Variants in CHL1 observed in about 807,000 individuals in gnomAD.
CHL1 encodes cell adhesion molecule L1 like.
Under a neutral mutation model 141.9 loss-of-function variants are expected in CHL1, and 96 were observed. The observed-to-expected ratio is 0.68, with a 90% CI of 0.57 to 0.80. CHL1 has a LOEUF of 0.80. Among genes scored for constraint, CHL1 ranks in the 30% least tolerant of loss-of-function variants. The pLI, the probability that CHL1 is intolerant of heterozygous loss-of-function variation, is 0.00. For missense variants in CHL1, 1,820 were observed against 1,457.2 expected (o/e 1.25, Z -4.05); for synonymous variants, 613 against 502.2 (o/e 1.22, Z -2.95).
chr3:390,732 G>A lies in CHL1; in HGVS notation c.2502G>A (p.Val834=), dbSNP rs767793019. Reference sequence around the variant, plus strand: ...ATACAGCTCCAGTGATCCATGGGGTGGACGTTATAAACAGTACATTAGTTA... The same window carrying A: ...ATACAGCTCCAGTGATCCATGGGGTAGACGTTATAAACAGTACATTAGTTA... ...YPDTAPVIHG[V]DVINSTLVKV... is the part of the protein sequence containing the mutation. Residue 834 remains valine, a synonymous_variant, in exon 21 of 28, where the codon GTG becomes GTA. Transcript: ENST00000256509. 6 of 1,607,282 alleles carry A rather than the reference G, an allele frequency of 3.7e-6. No individual in the cohort carries two copies. The highest frequency in any genetic ancestry group is 1.7e-6 in the Non-Finnish European group (2 of 1,173,870).
At position 390,972 on chromosome 3, in the gene CHL1, A is replaced by C. The variant is rs1708175876; in HGVS notation, c.2604A>C (p.Thr868=). 1.2e-6 allele frequency: 2 copies of C among 1,613,772 alleles called. No individual in the cohort carries two copies. The highest frequency in any genetic ancestry group is 1.3e-5 in the African/African-American group (1 of 74,922). Residue 868 remains threonine (T), a synonymous_variant, in exon 22 of 28, where the codon ACA becomes ACC. Transcript: ENST00000256509. ...CATTGCAGATAAATTGGTGGAAAACAAAAAGTCTGTTGGATGGAAGAACAC... is the reference window on the plus strand; with the variant it reads ...CATTGCAGATAAATTGGTGGAAAACCAAAAGTCTGTTGGATGGAAGAACAC... ...LKGYQINWWK[T]KSLLDGRTHP... is the part of the protein sequence containing the mutation.
At chr3:208,390 T>G (rs548753728) in intron 1 of CHL1, among the ~76,000 whole-genome samples, 2 of 149,002 alleles carry the variant, frequency 1.3e-5, no homozygotes, top group African/African-American at 5.2e-5. Context: ...CCCTCCAAAT[T>G]CAGAACTGGT....
At chr3:301,970 CTCCCACTTATGCGTGAGAATATGTGG>C (rs1180080242) in intron 2 of CHL1, among the ~76,000 whole-genome samples, 2 of 152,198 alleles carry the variant, frequency 1.3e-5, no homozygotes, top group Non-Finnish European at 2.9e-5. Context: ...CCTTGTTCAA[CTCCCACTTATGCGTGAGAATATGTGG>C]TGCATGGTTT....
intron 26 of CHL1, among the ~76,000 whole-genome samples, chr3:400,948 C>G (rs1048120550): frequency 6.1e-5 from 8 of 131,188 alleles, no homozygotes; most frequent in Non-Finnish European, 1.2e-4. Context: ...GTTGCCCAGG[C>G]TGGAGTGCAG....
intron 15 of CHL1, among the ~76,000 whole-genome samples, chr3:374,833 C>A (rs1706112782): frequency 1.3e-5 from 2 of 152,188 alleles, no homozygotes; most frequent in Admixed American, 1.3e-4. Context: ...CCTCATACTT[C>A]TTACCTTCTG....
chr3:235,159 C>G (rs1465990084), intron 1 of CHL1, among the ~76,000 whole-genome samples: 1 of 151,978 alleles, frequency 6.6e-6, no homozygotes, highest in Non-Finnish European at 1.5e-5. Flanking sequence ...CCCCCTCTTT[C>G]TAAACATTAT....
intron 19 of CHL1, among the ~76,000 whole-genome samples, chr3:387,306 G>C (rs1331228043): frequency 6.6e-6 from 1 of 152,084 alleles, no homozygotes; most frequent in Non-Finnish European, 1.5e-5. Flanking sequence ...CTTCCTCGTG[G>C]GCTCCTTCAC....
chr3:374,363 A>G lies in CHL1; in HGVS notation c.1752-3455A>G, dbSNP rs188395035. Among the ~76,000 whole-genome samples the G allele has an allele frequency of 3.4e-4, 51 of 152,230 alleles. 1 individual carries two copies. In the East Asian group the frequency reaches 6.0e-3, roughly 18 times the overall value. On this transcript the variant is annotated intron_variant, in intron 15 of 27. Transcript: ENST00000256509. ...AGGTTAGGTCTCCGCTGATCTGCCA[A>G]CTGCTCAGATATGCCTAAATTCTGC...
chr3:384,942 A>G (rs1191617164), intron 19 of CHL1, among the ~76,000 whole-genome samples: 1 of 152,196 alleles, frequency 6.6e-6, no homozygotes, highest in Non-Finnish European at 1.5e-5. Flanking sequence ...TTTTAGATCA[A>G]AATTAGATCT....
At chr3:262,654 C>G (rs904257612) in intron 2 of CHL1, among the ~76,000 whole-genome samples, 5 of 152,150 alleles carry the variant, frequency 3.3e-5, no homozygotes, top group Non-Finnish European at 7.4e-5. Context: ...AGTGGTAAGG[C>G]CTGGTACACT....
chr3:353,325 G>A (rs1294440857), intron 10 of CHL1, among the ~76,000 whole-genome samples: 1 of 151,932 alleles, frequency 6.6e-6, no homozygotes, highest in Admixed American at 6.5e-5. Flanking sequence ...CAGATATTTA[G>A]TTTTATATTG....
At chr3:353,339 G>T (rs1385634773) in intron 10 of CHL1, among the ~76,000 whole-genome samples, 1 of 151,902 alleles carries the variant, frequency 6.6e-6, no homozygotes, top group Non-Finnish European at 1.5e-5. Context: ...TATATTGGTT[G>T]TATTAAAATA....
intron 2 of CHL1, among the ~76,000 whole-genome samples, chr3:249,555 C>T (rs769739841): frequency 3.3e-5 from 5 of 152,144 alleles, no homozygotes; most frequent in African/African-American, 4.8e-5. Context: ...GAGTGAGAAA[C>T]TGGCACTATT....
At chr3:234,444 C>T (rs1045171863) in intron 1 of CHL1, among the ~76,000 whole-genome samples, 1 of 151,876 alleles carries the variant, frequency 6.6e-6, no homozygotes, top group South Asian at 2.1e-4. Context: ...CAGCATGAGA[C>T]GTTACGTAGT....
rs902535662 is a variant in CHL1 at position 349,550 on chromosome 3, T to C, written c.1033+7T>C. 8 of 1,602,836 alleles carry C rather than the reference T, an allele frequency of 5.0e-6. No homozygotes were observed. In the African/African-American group the frequency reaches 9.4e-5, roughly 19 times the overall value. On this transcript the variant is annotated splice_region_variant and intron_variant, in intron 10 of 27. Coordinates refer to ENST00000256509, the MANE Select transcript of CHL1 (RefSeq NM_006614.4). ...TTTCACGTTATAGTAGAAGGTACCT[T>C]TCCCATGTTGGTCTATTTCTCTGCT...
At chr3:344,760 A>G (rs1575121946) in intron 9 of CHL1, 51 bp downstream of exon 9, 1 of 1,574,314 alleles carries the variant, frequency 6.4e-7, no homozygotes, top group Non-Finnish European at 8.7e-7. Context: ...TTCTGTAAAG[A>G]ATAAGACATC....
intron 2 of CHL1, among the ~76,000 whole-genome samples, chr3:264,463 T>G (rs534993805): frequency 1.1e-3 from 167 of 152,300 alleles, no homozygotes; most frequent in Admixed American, 1.9e-3. Context: ...GAATACTTGC[T>G]GGGAATTCGC....
chr3:337,235 G>T (rs1701950851), intron 5 of CHL1, among the ~76,000 whole-genome samples: 1 of 140,592 alleles, frequency 7.1e-6, no homozygotes, highest in African/African-American at 2.7e-5. Context: ...CTGTCGCCCA[G>T]GCTGGAGGGC....
chr3:404,302 A>G (rs1292987131), intron 27 of CHL1, among the ~76,000 whole-genome samples: 1 of 152,220 alleles, frequency 6.6e-6, no homozygotes, highest in Non-Finnish European at 1.5e-5. Flanking sequence ...CTTTATTCCT[A>G]GAAACCTGAC....
Sources: gnomAD v4.1 joint callset for allele counts (sites outside exome capture counted in the v4.1 genomes callset) on GRCh38, gnomAD v4.1.1 for gene constraint, MANE v1.5 for transcripts, NCBI Gene and HGNC (gene_info 2026-07-23, HGNC 2026-07-21) for gene names.